MYO3B: variants seen among roughly 807,000 people sequenced by gnomAD.
The protein encoded by MYO3B is myosin-IIIb.
MYO3B carries 156 observed loss-of-function variants against 174.6 expected under a neutral mutation model. The ratio of observed to expected loss-of-function variants is 0.89; its 90% CI spans 0.78 to 1.02. The LOEUF is 1.02. Ranked by LOEUF, MYO3B falls within the 50% of genes least tolerant of loss-of-function variation. The pLI, the probability that MYO3B is intolerant of heterozygous loss-of-function variation, is 0.00. For synonymous variants in MYO3B, 563 were observed against 569.1 expected, an observed-to-expected ratio of 0.99 and a Z score of 0.15; for missense variants, 1,632 against 1,639.4, an observed-to-expected ratio of 1.00 and a Z score of 0.08.
chr2:170,224,524 GA>G (rs200534374), intron 6 of MYO3B, among the ~76,000 whole-genome samples: 1,792 of 152,204 alleles, frequency 0.012, 15 homozygotes, highest in South Asian at 0.021. Flanking sequence ...AGTATACTCT[GA>G]AATTGGAGTG....
rs1369299982 is a variant in MYO3B, at chr2:170,556,971, C to T, written c.3733+12983C>T. Among the ~76,000 whole-genome samples, 6 of 152,226 alleles carry T rather than the reference C, an allele frequency of 3.9e-5. No individual in the cohort carries two copies. In the East Asian group the frequency reaches 9.6e-4, roughly 24 times the overall value. ...CGTCTTATTTGGTGAGGTATCTATT[C>T]AGATTTTTTGACCATTTTAAAATTG... is the stretch of plus-strand genomic sequence containing the variant. On this transcript the variant is annotated intron_variant, in intron 32 of 34. Coordinates refer to ENST00000408978, the MANE Select transcript of MYO3B (RefSeq NM_138995.5).
At chr2:170,221,628 G>A (rs147909144) in intron 6 of MYO3B, among the ~76,000 whole-genome samples, 20 of 152,338 alleles carry the variant, frequency 1.3e-4, no homozygotes, top group Middle Eastern at 3.4e-3. Context: ...CAGTGTAGGA[G>A]AAGAGTTCTG....
Position 170,275,013 on chromosome 2 carries a change from C to T in MYO3B, c.749+38877C>T, listed in dbSNP as rs116435895. Among the ~76,000 whole-genome samples the T allele has an allele frequency of 6.2e-3, 939 of 152,166 alleles. 5 individuals are homozygous for T. Among genetic ancestry groups the T allele is most frequent in the Middle Eastern group, 0.01 (3 of 294 alleles). ...AAAAATGTTGCCAAAATAGAAAGTA[C>T]TATTTCTCTACTTTCCAGTTCTGAG... On this transcript the variant is annotated intron_variant, in intron 7 of 34. Coordinates refer to ENST00000408978, the MANE Select transcript of MYO3B (RefSeq NM_138995.5).
chr2:170,384,133 T>C (rs2094356463), intron 12 of MYO3B, among the ~76,000 whole-genome samples: 2 of 152,206 alleles, frequency 1.3e-5, no homozygotes, highest in South Asian at 2.1e-4. Flanking sequence ...ATGGCAGTGA[T>C]TGTAATAAAA....
intron 29 of MYO3B, 120 bp from the exon 30 acceptor site, chr2:170,519,318 G>A (rs2106138702): frequency 1.6e-6 from 1 of 645,090 alleles, no homozygotes; most frequent in African/African-American, 1.8e-5. Context: ...AAAACCTATA[G>A]AAAGTCACGG....
chr2:170,514,922 G>C lies in MYO3B; in HGVS notation c.3372G>C (p.Gly1124=). ...RNESAAHNQA[G]DTSNQSSGPH... The stretch of plus-strand genomic sequence containing the variant: ...AAGTCTTTTTGTTTCATTCCACAGG[G>C]GACACTTCAAACCAAAGCAGTGGGC... Residue 1124 remains glycine, a splice_region_variant and synonymous_variant, in exon 29 of 35, where the codon GGG becomes GGC. Coordinates refer to ENST00000408978, the MANE Select transcript of MYO3B (RefSeq NM_138995.5). The C allele has an allele frequency of 1.2e-6, 2 of 1,613,360 alleles. No homozygotes were observed. Among genetic ancestry groups the C allele is most frequent in the Non-Finnish European group, 1.7e-6 (2 of 1,179,628 alleles).
At chr2:170,250,173 A>G (rs2093235884) in intron 7 of MYO3B, among the ~76,000 whole-genome samples, 1 of 152,254 alleles carries the variant, frequency 6.6e-6, no homozygotes, top group South Asian at 2.1e-4. Flanking sequence ...ATTATTCAGC[A>G]TTCAGATCAG....
At chr2:170,224,598 C>T (rs1034805392) in intron 6 of MYO3B, among the ~76,000 whole-genome samples, 4 of 151,972 alleles carry the variant, frequency 2.6e-5, no homozygotes, top group Non-Finnish European at 4.4e-5. Context: ...AGGTTGACTA[C>T]ACTTTGCAAT....
At chr2:170,270,775 AG>A (rs1350607984) in intron 7 of MYO3B, among the ~76,000 whole-genome samples, 1 of 152,174 alleles carries the variant, frequency 6.6e-6, no homozygotes, top group Non-Finnish European at 1.5e-5. Flanking sequence ...ACCCCAGGGA[AG>A]AAGAGTACTC....
rs189780848 is a variant in MYO3B, at chr2:170,248,568, G to C, written c.749+12432G>C. Among the ~76,000 whole-genome samples, 10 of 152,258 alleles carry C rather than the reference G, an allele frequency of 6.6e-5. No individual in the cohort carries two copies. In the East Asian group the frequency reaches 1.9e-3, roughly 29 times the overall value. ...GTTCCTTTCTGGAGGCTCTAGGGGA[G>C]AATCTGTTTTCTTGCCTTTTCCAGC... On this transcript the variant is annotated intron_variant, in intron 7 of 34. Transcript: ENST00000408978.
intron 23 of MYO3B, among the ~76,000 whole-genome samples, chr2:170,461,425 A>G (rs1008082910): frequency 1.4e-5 from 2 of 144,560 alleles, no homozygotes; most frequent in Admixed American, 7.2e-5. Context: ...GTGAGCTGAG[A>G]TCGCACCATT....
In MYO3B at chr2:170,401,462, T is replaced by A; in HGVS notation, c.1919-19T>A. 6.2e-7 allele frequency: 1 copy of A among 1,611,374 alleles called. No individual in the cohort carries two copies. The highest frequency in any genetic ancestry group is 8.5e-7 in the Non-Finnish European group (1 of 1,177,594). Reference sequence around the variant, plus strand: ...GAAGGTCTGGCTACATTCTGTGTTATCCTTACTCTTTGTTTCAGCTGCCTC... The same window carrying A: ...GAAGGTCTGGCTACATTCTGTGTTAACCTTACTCTTTGTTTCAGCTGCCTC... On this transcript the variant is annotated intron_variant, in intron 17 of 34. Transcript: ENST00000408978.
chr2:170,230,109 A>G (rs567943336), intron 6 of MYO3B, among the ~76,000 whole-genome samples: 2 of 151,974 alleles, frequency 1.3e-5, no homozygotes, highest in African/African-American at 2.4e-5. Context: ...TATCGATTAT[A>G]CTACATGAAT....
chr2:170,514,781 A>G (rs1254475327), intron 28 of MYO3B, 140 bp from the exon 29 acceptor site: 2 of 628,790 alleles, frequency 3.2e-6, no homozygotes, highest in Middle Eastern at 2.6e-4. Context: ...CACCAAGTTC[A>G]TAAGTGAGAT....
chr2:170,234,102 C>T (rs1469174254), intron 6 of MYO3B, among the ~76,000 whole-genome samples: 7 of 130,814 alleles, frequency 5.4e-5, no homozygotes, highest in East Asian at 2.5e-4. Flanking sequence ...ACCCAGGAGG[C>T]GGAGCTTGCA....
At chr2:170,299,398 C>T (rs1395295019) in intron 7 of MYO3B, among the ~76,000 whole-genome samples, 1 of 152,128 alleles carries the variant, frequency 6.6e-6, no homozygotes, top group African/African-American at 2.4e-5. Flanking sequence ...TCACAGTCAC[C>T]TTCACTGCTG....
chr2:170,245,714 C>T (rs1009454664), intron 7 of MYO3B, among the ~76,000 whole-genome samples: 3 of 152,224 alleles, frequency 2.0e-5, no homozygotes, highest in Non-Finnish European at 4.4e-5. Context: ...TATTCTGTGG[C>T]TTCTCAATAG....
At chr2:170,282,777 G>T (rs1402394299) in intron 7 of MYO3B, among the ~76,000 whole-genome samples, 1 of 152,104 alleles carries the variant, frequency 6.6e-6, no homozygotes, top group Non-Finnish European at 1.5e-5. Context: ...GCAGTGCAGT[G>T]AGTGGGGAAA....
intron 22 of MYO3B, among the ~76,000 whole-genome samples, chr2:170,414,847 GT>G (rs1219748302): frequency 2.6e-5 from 4 of 152,108 alleles, no homozygotes; most frequent in African/African-American, 7.2e-5. Context: ...GTATAAATGG[GT>G]TTTTTATTTT....
Sources: allele counts gnomAD v4.1 joint callset (sites outside exome capture counted in the v4.1 genomes callset), GRCh38; gene constraint gnomAD v4.1.1; transcripts MANE v1.5; gene names NCBI Gene and HGNC (gene_info 2026-07-23, HGNC 2026-07-21).